The following COL23A1 variants were observed in gnomAD, a reference collection of about 807,000 sequenced individuals.
COL23A1 encodes collagen alpha-1(XXIII) chain.
In COL23A1, 97 loss-of-function variants were observed where a neutral mutation model predicts 99.3. The observed-to-expected ratio is 0.98, with a 90% CI of 0.83 to 1.16. The LOEUF is 1.16. Among genes scored for constraint, COL23A1 ranks in the 50% most tolerant of loss-of-function variants. The pLI is 0.00. For missense variants in COL23A1, 762 were observed against 757.4 expected, an observed-to-expected ratio of 1.01 and a Z score of -0.07; for synonymous variants, 320 against 308.2, an observed-to-expected ratio of 1.04 and a Z score of -0.40.
At chr5:178,565,527 G>C (rs760954587) in intron 1 of COL23A1, among the ~76,000 whole-genome samples, 1 of 151,774 alleles carries the variant, frequency 6.6e-6, no homozygotes, top group South Asian at 2.1e-4. Context: ...CCCTTTAAAC[G>C]TTCTCTTTTG....
chr5:178,393,783 G>T (rs1438140746), intron 2 of COL23A1, among the ~76,000 whole-genome samples: 1 of 151,926 alleles, frequency 6.6e-6, no homozygotes, highest in Non-Finnish European at 1.5e-5. Context: ...CTACAGGTGT[G>T]CACCACCACG....
intron 16 of COL23A1, among the ~76,000 whole-genome samples, chr5:178,254,134 G>A (rs1206721532): frequency 6.6e-6 from 1 of 152,114 alleles, no homozygotes; most frequent in African/African-American, 2.4e-5. Context: ...CAGCCTGGGC[G>A]ACAAGAGTGA....
At chr5:178,431,237 AG>A (rs1291018619) in intron 2 of COL23A1, among the ~76,000 whole-genome samples, 5 of 152,186 alleles carry the variant, frequency 3.3e-5, no homozygotes, top group Non-Finnish European at 7.4e-5. Context: ...TGCAAAACTC[AG>A]GAACTGCCCT....
intron 2 of COL23A1, among the ~76,000 whole-genome samples, chr5:178,547,322 A>G (rs1761639305): frequency 6.6e-6 from 1 of 152,016 alleles, no homozygotes; most frequent in African/African-American, 2.4e-5. Flanking sequence ...CAGTGAGAAA[A>G]AAGGCGGGTG....
intron 2 of COL23A1, among the ~76,000 whole-genome samples, chr5:178,346,853 G>A (rs1238351601): frequency 6.6e-6 from 1 of 152,350 alleles, no homozygotes; most frequent in Non-Finnish European, 1.5e-5. Flanking sequence ...ATAGACACCA[G>A]CCTCACACTG....
At chr5:178,531,507 A>C (rs1760647969) in intron 2 of COL23A1, among the ~76,000 whole-genome samples, 1 of 152,172 alleles carries the variant, frequency 6.6e-6, no homozygotes, top group Non-Finnish European at 1.5e-5. Flanking sequence ...TGGGATCCTG[A>C]AACACCCCTG....
intron 2 of COL23A1, chr5:178,378,037 A>G (rs1468351472): frequency 6.6e-6 from 1 of 152,236 alleles, no homozygotes; most frequent in Non-Finnish European, 1.5e-5. Context: ...GAGTGTGCAC[A>G]GTAAGTTTGG....
At chr5:178,304,391 A>G (rs1399715500) in intron 3 of COL23A1, among the ~76,000 whole-genome samples, 3 of 151,660 alleles carry the variant, frequency 2.0e-5, no homozygotes, top group Non-Finnish European at 4.4e-5. Flanking sequence ...CGTGCCTGTA[A>G]TCCAGCTACT....
At chr5:178,491,104 GA>G (rs1346533739) in intron 2 of COL23A1, among the ~76,000 whole-genome samples, 5 of 151,462 alleles carry the variant, frequency 3.3e-5, no homozygotes, top group East Asian at 2.0e-4. Context: ...GAGGAGGGGG[GA>G]AAGAGAGAGG....
chr5:178,480,314 C>CT (rs1757266632), intron 2 of COL23A1, among the ~76,000 whole-genome samples: 2 of 152,174 alleles, frequency 1.3e-5, no homozygotes, highest in African/African-American at 4.8e-5. Flanking sequence ...CAGACCCGGA[C>CT]TCTGGAGGTC....
chr5:178,525,710 C>T (rs528464045), intron 2 of COL23A1, among the ~76,000 whole-genome samples: 3 of 142,140 alleles, frequency 2.1e-5, no homozygotes, highest in African/African-American at 7.6e-5. Context: ...TAAGAAATGG[C>T]GACACAGCGC....
chr5:178,360,464 G>T (rs1048295402), intron 2 of COL23A1, among the ~76,000 whole-genome samples: 2 of 152,120 alleles, frequency 1.3e-5, no homozygotes, highest in Non-Finnish European at 2.9e-5. Flanking sequence ...GCCAGGCTGG[G>T]CCTCATGTGG....
chr5:178,455,819 C>T lies in COL23A1; in HGVS notation c.361+104863G>A, dbSNP rs148329698. Among the ~76,000 whole-genome samples the T allele has an allele frequency of 6.6e-4, 101 of 152,100 alleles. 1 individual carries two copies. The East Asian group carries it at 0.018, about 27-fold the overall frequency. ...CTGACACTGGCTCCCTCAGCTCGCC[C>T]GCCCATCAGGAGGAAGCCAGACTCC... On this transcript the variant is annotated intron_variant, in intron 2 of 28. Transcript: ENST00000390654.
At chr5:178,461,564 G>A (rs1296091351) in intron 2 of COL23A1, among the ~76,000 whole-genome samples, 1 of 152,156 alleles carries the variant, frequency 6.6e-6, no homozygotes, top group Non-Finnish European at 1.5e-5. Flanking sequence ...ATGCTTTGAG[G>A]GTATTTTAAA....
chr5:178,270,228 C>T, intron 6 of COL23A1, 109 bp downstream of exon 6: 2 of 1,330,576 alleles, frequency 1.5e-6, no homozygotes, highest in Non-Finnish European at 2.1e-6. Context: ...TCTCTCTGTG[C>T]TGAACCAAGT....
intron 27 of COL23A1, among the ~76,000 whole-genome samples, chr5:178,240,328 G>A (rs73804750): frequency 1.8e-4 from 27 of 152,302 alleles, no homozygotes; most frequent in African/African-American, 6.0e-4. Flanking sequence ...AGGCACCAAA[G>A]GGAAGGTGGG....
At chr5:178,305,882 G>A (rs1015567085) in intron 3 of COL23A1, among the ~76,000 whole-genome samples, 7 of 152,162 alleles carry the variant, frequency 4.6e-5, no homozygotes, top group Admixed American at 2.0e-4. Flanking sequence ...GATGCAGCCA[G>A]GTGTCTACAC....
chr5:178,577,330 C>A (rs1180548808), intron 1 of COL23A1, among the ~76,000 whole-genome samples: 1 of 152,182 alleles, frequency 6.6e-6, no homozygotes, highest in African/African-American at 2.4e-5. Context: ...GGATCAGGGC[C>A]CCCCCACAAC....
intron 2 of COL23A1, among the ~76,000 whole-genome samples, chr5:178,420,463 A>ATCCTCCTCCCCTCCCCCGCTCTT (rs1561956141): frequency 7.3e-5 from 2 of 27,220 alleles, no homozygotes; most frequent in Admixed American, 5.2e-4. Context: ...CCCCACCTCT[A>ATCCTCCTCCCCTCCCCCGCTCTT]TCCTCCTCCC....
Sources: allele counts gnomAD v4.1 joint callset (sites outside exome capture counted in the v4.1 genomes callset), GRCh38; gene constraint gnomAD v4.1.1; transcripts MANE v1.5; gene names NCBI Gene and HGNC (gene_info 2026-07-23, HGNC 2026-07-21).